MGAM2: variants seen among roughly 807,000 people sequenced by gnomAD.
MGAM2 encodes the protein maltase-glucoamylase 2 (putative).
MGAM2 carries 98 observed loss-of-function variants against 96.1 expected under a neutral mutation model. The observed-to-expected ratio is 1.02, with a 90% CI of 0.87 to 1.21. The LOEUF (loss-of-function observed/expected upper bound fraction) is 1.21, where lower values mean the gene tolerates loss of function less well. Among genes scored for constraint, MGAM2 ranks in the 50% most tolerant of loss-of-function variants. The pLI is 0.00. For synonymous variants in MGAM2, 749 were observed against 414.8 expected, an observed-to-expected ratio of 1.81 and a Z score of -9.79; for missense variants, 2,055 against 1,182.4, an observed-to-expected ratio of 1.74 and a Z score of -10.82.
rs548494331 is a variant in MGAM2 at position 142,220,015 on chromosome 7, A to G, written c.5504A>G (p.Asn1835Ser). ...MSSHPSPSTT[N>S]ATSSETITSS... The stretch of plus-strand genomic sequence containing the variant: ...TCTCATCCTTCTCCATCTACTACCA[A>G]TGCCACCAGTTCTGAGACAATCACC... Residue 1835 changes from asparagine (N) to serine (S), a missense_variant, in exon 48 of 48, where the codon AAT becomes AGT. Asn to Ser is a conservative substitution (Grantham distance 46, BLOSUM62 1). Transcript: ENST00000477922. 5.7e-6 allele frequency: 4 copies of G among 702,856 alleles called. No individual in the cohort carries two copies. Among genetic ancestry groups the G allele is most frequent in the South Asian group, 3.0e-5 (2 of 67,590 alleles). 43.5% of individuals were successfully genotyped at this position (702,856 alleles called of 1,614,324 possible). A position where few individuals can be genotyped will look rare whatever the true frequency, so the allele number is the denominator to read the frequency against.
chr7:142,144,116 T>C, intron 13 of MGAM2: 1 of 309,124 alleles, frequency 3.2e-6, no homozygotes, highest in Non-Finnish European at 6.0e-6. Flanking sequence ...TTGATAAAGT[T>C]TTTGCTTTCT....
intron 28 of MGAM2, among the ~76,000 whole-genome samples, 154 bp from the exon 29 acceptor site, chr7:142,171,944 T>C (rs760471286): frequency 1.1e-4 from 16 of 152,134 alleles, no homozygotes; most frequent in Non-Finnish European, 1.9e-4. Flanking sequence ...ACACAGCTTT[T>C]AACTTGGAGT....
intron 23 of MGAM2, among the ~76,000 whole-genome samples, chr7:142,163,956 C>T (rs73545399): frequency 0.095 from 14,390 of 151,998 alleles, 782 homozygotes; most frequent in East Asian, 0.15. Context: ...TGATGTCAAG[C>T]TTAAGATCTC....
At chr7:142,122,014 A>G (rs1007950171) in intron 3 of MGAM2, among the ~76,000 whole-genome samples, 4 of 152,122 alleles carry the variant, frequency 2.6e-5, no homozygotes, top group Admixed American at 1.3e-4. Flanking sequence ...TTATTGATAT[A>G]TGTTAGGAAC....
intron 1 of MGAM2, among the ~76,000 whole-genome samples, chr7:142,112,391 G>A (rs1302567111): frequency 6.6e-6 from 1 of 152,130 alleles, no homozygotes; most frequent in Non-Finnish European, 1.5e-5. Context: ...GTAGGTCCCT[G>A]CTGCTGATTT....
intron 47 of MGAM2, among the ~76,000 whole-genome samples, chr7:142,219,031 T>C (rs1012204058): frequency 6.6e-6 from 1 of 152,114 alleles, no homozygotes; most frequent in Admixed American, 6.5e-5. Flanking sequence ...TGGTATAGGA[T>C]AAAAGGTTGA....
intron 31 of MGAM2, among the ~76,000 whole-genome samples, chr7:142,173,975 G>T (rs1796285163): frequency 6.6e-6 from 1 of 152,168 alleles, no homozygotes; most frequent in Admixed American, 6.6e-5. Flanking sequence ...GTTTGTAGAA[G>T]ATCAGATAGT....
At chr7:142,120,492 T>G (rs2129074286) in intron 3 of MGAM2, 111 bp downstream of exon 3, 1 of 569,886 alleles carries the variant, frequency 1.8e-6, no homozygotes, top group Non-Finnish European at 3.1e-6. Flanking sequence ...CTCTGATTTG[T>G]TTGGAGTTCT....
Position 142,220,764 on chromosome 7 carries a change from TCTC to T in MGAM2, c.6256_6258del (p.Pro2086del), listed in dbSNP as rs1563303840. 1 of 702,154 alleles carries T rather than the reference TCTC, an allele frequency of 1.4e-6. No homozygotes were observed. Among genetic ancestry groups the T allele is most frequent in the Non-Finnish European group, 2.6e-6 (1 of 384,794 alleles). 43.5% of individuals were successfully genotyped at this position (702,154 alleles called of 1,614,324 possible). A position where few individuals can be genotyped will look rare whatever the true frequency, so the allele number is the denominator to read the frequency against. ...TACTGTTCCTAATACCACTATGCCT[TCTC>T]CTACAAGTAGTACTACTGTGAGTAC... is the stretch of plus-strand genomic sequence containing the variant. On this transcript the variant is annotated inframe_deletion, in exon 48 of 48. Coordinates refer to ENST00000477922, the MANE Select transcript of MGAM2 (RefSeq NM_001293626.2).
chr7:142,149,642 G>T (rs918097048), intron 15 of MGAM2, among the ~76,000 whole-genome samples: 3 of 151,764 alleles, frequency 2.0e-5, no homozygotes, highest in African/African-American at 4.8e-5. Context: ...CTGGGTTCAC[G>T]CCATTCTCCT....
chr7:142,125,612 G>C (rs1794708373), intron 3 of MGAM2, among the ~76,000 whole-genome samples: 2 of 152,076 alleles, frequency 1.3e-5, no homozygotes, highest in Admixed American at 6.6e-5. Context: ...ATGTCAATTA[G>C]ATTTATGGAG....
Position 142,144,926 on chromosome 7 carries a change from C to A in MGAM2, c.1497C>A (p.Asn499Lys), listed in dbSNP as rs1442184845. 2.8e-6 allele frequency: 2 copies of A among 702,832 alleles called. No homozygotes were observed. Among genetic ancestry groups the A allele is most frequent in the Admixed American group, 4.0e-5 (2 of 49,996 alleles). The allele number at this position is 702,832 out of a possible 1,614,324, so 43.5% of individuals were successfully genotyped here. The change falls in exon 14 of 48, where the codon AAC becomes AAA. Residue 499 changes from asparagine (N) to lysine (K), a missense_variant. Coordinates refer to ENST00000477922, the MANE Select transcript of MGAM2 (RefSeq NM_001293626.2). ...ACCAGTGTGAATCCAACAACTTGAA[C>A]TTTCCTCCTTTTCTTCCTAGTAAGT... ...SNNQCESNNL[N>K]FPPFLPRVLD... is the part of the protein sequence containing the mutation.
chr7:142,192,913 TC>T (rs1796915773), intron 37 of MGAM2, among the ~76,000 whole-genome samples: 1 of 152,238 alleles, frequency 6.6e-6, no homozygotes, highest in South Asian at 2.1e-4. Flanking sequence ...AATCATGGCA[TC>T]TATTGTTAAT....
In MGAM2 at chr7:142,139,536, C is replaced by G. The variant is rs568115282; in HGVS notation, c.1086+869C>G. Among the ~76,000 whole-genome samples, 6 of 151,928 alleles carry G rather than the reference C, an allele frequency of 3.9e-5. No homozygotes were observed. In the South Asian group the frequency reaches 1.2e-3, roughly 32 times the overall value. On this transcript the variant is annotated intron_variant, in intron 10 of 47. Coordinates refer to ENST00000477922, the MANE Select transcript of MGAM2 (RefSeq NM_001293626.2). ...ATTACCCAGGTGTGGTGGCACATGC[C>G]TGTAATCCCAGCTACAAAGCAGGCT...
intron 21 of MGAM2, among the ~76,000 whole-genome samples, 199 bp from the exon 22 acceptor site, chr7:142,160,925 CA>C (rs1338492400): frequency 6.6e-6 from 1 of 152,112 alleles, no homozygotes; most frequent in Non-Finnish European, 1.5e-5. Flanking sequence ...TGCCTCTGTC[CA>C]CCCTTCCCTT....
At chr7:142,123,123 C>T (rs1585141114) in intron 3 of MGAM2, among the ~76,000 whole-genome samples, 1 of 151,770 alleles carries the variant, frequency 6.6e-6, no homozygotes, top group East Asian at 1.9e-4. Flanking sequence ...CGCCCGACCT[C>T]AAAATTATTT....
intron 32 of MGAM2, among the ~76,000 whole-genome samples, chr7:142,177,224 G>T (rs143141956): frequency 6.6e-6 from 1 of 152,304 alleles, no homozygotes; most frequent in East Asian, 1.9e-4. Flanking sequence ...AAGGTGAAAG[G>T]CATGTCTCTC....
intron 1 of MGAM2, among the ~76,000 whole-genome samples, chr7:142,116,213 T>C (rs1360541223): frequency 6.6e-6 from 1 of 152,172 alleles, no homozygotes; most frequent in Non-Finnish European, 1.5e-5. Context: ...GATTCCCAGT[T>C]CAGTACATCC....
At position 142,175,655 on chromosome 7, in the gene MGAM2, G is replaced by A. The variant is rs1178931041; in HGVS notation, c.3691G>A (p.Val1231Ile). The A allele has an allele frequency of 4.3e-6, 3 of 702,638 alleles. No individual in the cohort carries two copies. The highest frequency in any genetic ancestry group is 1.7e-5 in the African/African-American group (1 of 57,332). The allele number at this position is 702,638 out of a possible 1,614,324, so 43.5% of individuals were successfully genotyped here. Residue 1231 changes from valine (V) to isoleucine (I), a missense_variant, in exon 32 of 48, where the codon GTC (valine) becomes ATC (isoleucine). Transcript: ENST00000477922. ...GCCTTGCTGCTTCTTTCTGCAGGAC[G>A]TCCAGCATGTAGACATCGATTACAT... The part of the protein sequence containing the change: ...AMVAAQIPYD[V>I]QHVDIDYMNR...
Sources: gnomAD v4.1 joint callset for allele counts (sites outside exome capture counted in the v4.1 genomes callset) on GRCh38, gnomAD v4.1.1 for gene constraint, MANE v1.5 for transcripts, NCBI Gene and HGNC (gene_info 2026-07-23, HGNC 2026-07-21) for gene names.